KCNIP4: variants seen among roughly 807,000 people sequenced by gnomAD.
KCNIP4 encodes the protein Kv channel-interacting protein 4.
In KCNIP4, 12 loss-of-function variants were observed where a neutral mutation model predicts 34.0. The observed-to-expected ratio is 0.35, with a 90% CI of 0.23 to 0.57. KCNIP4 has a LOEUF of 0.57. Among genes scored for constraint, KCNIP4 ranks in the 20% least tolerant of loss-of-function variants. The probability of loss-of-function intolerance (pLI) is 0.83; values close to 1 mark genes in which losing one functional copy is unlikely to be tolerated. For synonymous variants in KCNIP4, 124 were observed against 102.2 expected, an observed-to-expected ratio of 1.21 and a Z score of -1.29; for missense variants, 238 against 311.7, an observed-to-expected ratio of 0.76 and a Z score of 1.78.
intron 1 of KCNIP4, among the ~76,000 whole-genome samples, chr4:21,867,702 T>C (rs1190569402): frequency 2.0e-5 from 3 of 152,184 alleles, no homozygotes; most frequent in Admixed American, 6.5e-5. Context: ...ACCAAATCAA[T>C]TGAGCAAGTG....
rs1739348670 is a variant in KCNIP4 at position 21,559,507 on chromosome 4, T to TGTGTCCCG, written c.61+389063_61+389064insCGGGACAC. Among the ~76,000 whole-genome samples the TGTGTCCCG allele has an allele frequency of 4.6e-5, 7 of 152,206 alleles. No individual in the cohort carries two copies. The South Asian group carries it at 1.5e-3, about 32-fold the overall frequency. On this transcript the variant is annotated intron_variant, in intron 1 of 8. Coordinates refer to ENST00000382152, the MANE Select transcript of KCNIP4 (RefSeq NM_025221.6). ...GGACTAATTGATGGCATCTGTCCCT[T>TGTGTCCCG]AAGGAGTTCGGAGTATACAGAAGGA...
At chr4:21,660,002 C>T (rs1024148971) in intron 1 of KCNIP4, among the ~76,000 whole-genome samples, 1 of 152,052 alleles carries the variant, frequency 6.6e-6, no homozygotes, top group African/African-American at 2.4e-5. Flanking sequence ...CATGTCTTTC[C>T]TTTCCTAACA....
rs114851298 is a variant in KCNIP4, at chr4:21,436,447, C to T, written c.61+512124G>A. 1.6e-3 allele frequency among the ~76,000 whole-genome samples: 249 copies of T among 152,264 alleles called. 1 individual carries two copies. Among genetic ancestry groups the T allele is most frequent in the Admixed American group, 3.9e-3 (59 of 15,282 alleles). On this transcript the variant is annotated intron_variant, in intron 1 of 8. Coordinates refer to ENST00000382152, the MANE Select transcript of KCNIP4 (RefSeq NM_025221.6). ...TATCTAACTTCTGAATTATTTCTCT[C>T]CCTTGGTGTAAGGATAACTAACATT...
At chr4:21,834,902 T>C (rs2109310891) in intron 1 of KCNIP4, among the ~76,000 whole-genome samples, 1 of 152,292 alleles carries the variant, frequency 6.6e-6, no homozygotes, top group Non-Finnish European at 1.5e-5. Flanking sequence ...CATTTATTGA[T>C]TTGCATATAT....
chr4:20,758,943 T>G lies in KCNIP4; in HGVS notation c.289-53A>C. ...GAGCAAAGTGTTCATAAAACTGAAT[T>G]TTTTTTGCACATTTTGAAACAGAAC... On this transcript the variant is annotated intron_variant, in intron 3 of 8. Coordinates refer to ENST00000382152, the MANE Select transcript of KCNIP4 (RefSeq NM_025221.6). 4.8e-6 allele frequency: 7 copies of G among 1,464,728 alleles called. No individual in the cohort carries two copies. In the South Asian group the frequency reaches 8.1e-5, roughly 17 times the overall value. The allele number at this position is 1,464,728 out of a possible 1,614,324, so 90.7% of individuals were successfully genotyped here.
Position 21,519,490 on chromosome 4 carries a change from ATGTG to A in KCNIP4, c.61+429077_61+429080del, listed in dbSNP as rs1291819622. 3.6e-5 allele frequency among the ~76,000 whole-genome samples: 3 copies of A among 84,470 alleles called. 1 individual carries two copies. The highest frequency in any genetic ancestry group is 5.7e-5 in the Non-Finnish European group (2 of 35,018). 55.4% of individuals were successfully genotyped at this position (84,470 alleles called of 152,430 possible). A position where few individuals can be genotyped will look rare whatever the true frequency, so the allele number is the denominator to read the frequency against. ...TGTATGTGTATGTGTATATACACAT[ATGTG>A]TGTATGTGTATGTGTATATACACAT... On this transcript the variant is annotated intron_variant, in intron 1 of 8. Coordinates refer to ENST00000382152, the MANE Select transcript of KCNIP4 (RefSeq NM_025221.6).
chr4:21,060,426 G>T (rs1743808967), intron 1 of KCNIP4, among the ~76,000 whole-genome samples: 1 of 152,164 alleles, frequency 6.6e-6, no homozygotes, highest in African/African-American at 2.4e-5. Context: ...GTAGGCATCA[G>T]ACTGGATGTT....
intron 1 of KCNIP4, among the ~76,000 whole-genome samples, chr4:21,070,663 ATTTTTTTT>A (rs1203011253): frequency 2.0e-5 from 1 of 49,616 alleles, no homozygotes; most frequent in African/African-American, 8.4e-5. Context: ...GAGTTTTGAG[ATTTTTTTT>A]TTTTTTTTTT....
intron 3 of KCNIP4, among the ~76,000 whole-genome samples, chr4:20,767,723 T>C (rs531766836): frequency 1.6e-4 from 24 of 152,308 alleles, no homozygotes; most frequent in African/African-American, 5.8e-4. Flanking sequence ...CCCTAAATCA[T>C]TCTGTTCTGA....
intron 1 of KCNIP4, among the ~76,000 whole-genome samples, chr4:21,682,255 A>G (rs1750422578): frequency 6.6e-6 from 1 of 152,144 alleles, no homozygotes; most frequent in African/African-American, 2.4e-5. Flanking sequence ...TGAGAACAGT[A>G]CCAAGGGGAT....
chr4:21,181,270 T>C (rs1754820629), intron 1 of KCNIP4, among the ~76,000 whole-genome samples: 1 of 152,048 alleles, frequency 6.6e-6, no homozygotes, highest in East Asian at 1.9e-4. Flanking sequence ...TTTGATTAAG[T>C]GTCCTTGATT....
intron 1 of KCNIP4, among the ~76,000 whole-genome samples, chr4:21,408,727 C>T (rs1724221615): frequency 6.6e-6 from 1 of 152,146 alleles, no homozygotes; most frequent in Non-Finnish European, 1.5e-5. Flanking sequence ...GATTCAACAA[C>T]CAAGTTGTGG....
chr4:21,792,768 G>A (rs1720380890), intron 1 of KCNIP4, among the ~76,000 whole-genome samples: 1 of 152,218 alleles, frequency 6.6e-6, no homozygotes, highest in Non-Finnish European at 1.5e-5. Context: ...CTAACTTTAT[G>A]GAGGAGAATC....
At chr4:20,899,422 G>A (rs561808236) in intron 1 of KCNIP4, among the ~76,000 whole-genome samples, 1 of 152,284 alleles carries the variant, frequency 6.6e-6, no homozygotes, top group South Asian at 2.1e-4. Context: ...AAAATCTAGT[G>A]TTAAAATTTA....
Position 21,568,484 on chromosome 4 carries a change from TCAGTGGG to T in KCNIP4, c.61+380080_61+380086del, listed in dbSNP as rs971109872. On this transcript the variant is annotated intron_variant, in intron 1 of 8. Coordinates refer to ENST00000382152, the MANE Select transcript of KCNIP4 (RefSeq NM_025221.6). ...TTGCCAGAGGAGATTCACATTTGAG[TCAGTGGG>T]CTGGGAGATGCAGACCCACCCTCAA... is the stretch of plus-strand genomic sequence containing the variant. Among the ~76,000 whole-genome samples the T allele has an allele frequency of 1.6e-4, 24 of 152,164 alleles. 1 individual carries two copies. Among genetic ancestry groups the T allele is most frequent in the African/African-American group, 5.8e-4 (24 of 41,526 alleles).
intron 1 of KCNIP4, among the ~76,000 whole-genome samples, chr4:21,820,307 A>G (rs544405741): frequency 1.4e-5 from 2 of 144,586 alleles, no homozygotes; most frequent in African/African-American, 5.1e-5. Context: ...ATATATATAT[A>G]TATATATATA....
chr4:21,688,977 T>A (rs1025952605), intron 1 of KCNIP4, among the ~76,000 whole-genome samples: 1 of 152,070 alleles, frequency 6.6e-6, no homozygotes, highest in Non-Finnish European at 1.5e-5. Flanking sequence ...TAAGAGATAG[T>A]TTTCCTCTGC....
intron 1 of KCNIP4, among the ~76,000 whole-genome samples, chr4:20,950,495 C>T (rs1452283771): frequency 6.6e-6 from 1 of 152,048 alleles, no homozygotes; most frequent in East Asian, 1.9e-4. Flanking sequence ...GAAAAACATT[C>T]TACTCACAGT....
At chr4:21,546,386 T>C (rs1458316015) in intron 1 of KCNIP4, among the ~76,000 whole-genome samples, 2 of 152,116 alleles carry the variant, frequency 1.3e-5, no homozygotes, top group Non-Finnish European at 2.9e-5. Context: ...ACAGGGAGTT[T>C]GAGCCCTAGT....
Sources: allele counts gnomAD v4.1 joint callset (sites outside exome capture counted in the v4.1 genomes callset), GRCh38; gene constraint gnomAD v4.1.1; transcripts MANE v1.5; gene names NCBI Gene and HGNC (gene_info 2026-07-23, HGNC 2026-07-21).